Variants in KCNH8 observed in about 807,000 individuals in gnomAD.
The protein encoded by KCNH8 is voltage-gated delayed rectifier potassium channel KCNH8.
Under a neutral mutation model 103.6 loss-of-function variants are expected in KCNH8, and 70 were observed. The observed-to-expected ratio is 0.68, with a 90% CI of 0.56 to 0.82. The LOEUF (loss-of-function observed/expected upper bound fraction) is 0.82. KCNH8 is among the 40% of genes least tolerant of loss of function. KCNH8 has a pLI of 0.00. For synonymous variants in KCNH8, 498 were observed against 489.4 expected (o/e 1.02, Z -0.23); for missense variants, 1,217 against 1,329.9 (o/e 0.92, Z 1.32).
At chr3:19,459,656 T>C (rs2067590242) in intron 11 of KCNH8, among the ~76,000 whole-genome samples, 1 of 152,094 alleles carries the variant, frequency 6.6e-6, no homozygotes, top group South Asian at 2.1e-4. Context: ...TGGAGTCATA[T>C]CCAAAAACAT....
chr3:19,216,761 G>A (rs1302837526), intron 1 of KCNH8, among the ~76,000 whole-genome samples: 1 of 152,144 alleles, frequency 6.6e-6, no homozygotes, highest in African/African-American at 2.4e-5. Flanking sequence ...GTTCTCTTCA[G>A]TTTTGTAGCA....
chr3:19,382,028 A>G (rs2066295408), intron 5 of KCNH8, among the ~76,000 whole-genome samples: 1 of 152,166 alleles, frequency 6.6e-6, no homozygotes, highest in African/African-American at 2.4e-5. Context: ...TGTTGGCTAC[A>G]AAGATGGTTA....
intron 2 of KCNH8, among the ~76,000 whole-genome samples, chr3:19,265,391 C>T (rs2064494876): frequency 6.6e-6 from 1 of 152,062 alleles, no homozygotes; most frequent in Admixed American, 6.6e-5. Flanking sequence ...AAGCATGGGG[C>T]CCTTCTAAGC....
chr3:19,210,716 C>A (rs1001850058), intron 1 of KCNH8, among the ~76,000 whole-genome samples: 3 of 151,848 alleles, frequency 2.0e-5, no homozygotes, highest in Admixed American at 2.0e-4. Flanking sequence ...TTAGAAAAAC[C>A]GGGCTGTCAC....
At position 19,323,766 on chromosome 3, in the gene KCNH8, A is replaced by G. The variant is rs2065383337; in HGVS notation, c.443-18821A>G. Reference sequence around the variant, plus strand: ...TGAGATCCGAACTGCAATGATTGTTATTTCTCTTCCGGATCTAGCCACCCA... The same window carrying G: ...TGAGATCCGAACTGCAATGATTGTTGTTTCTCTTCCGGATCTAGCCACCCA... On this transcript the variant is annotated intron_variant, in intron 3 of 15. Transcript: ENST00000328405. 2.0e-5 allele frequency among the ~76,000 whole-genome samples: 3 copies of G among 151,846 alleles called. No homozygotes were observed. In the South Asian group the frequency reaches 6.3e-4, roughly 32 times the overall value.
chr3:19,439,587 TGGA>T (rs1405326194), intron 8 of KCNH8, among the ~76,000 whole-genome samples: 1 of 152,146 alleles, frequency 6.6e-6, no homozygotes, highest in Non-Finnish European at 1.5e-5. Context: ...GCAAGTTTGG[TGGA>T]GAAGTAGAGA....
At chr3:19,427,152 T>A (rs1474479465) in intron 7 of KCNH8, among the ~76,000 whole-genome samples, 1 of 152,190 alleles carries the variant, frequency 6.6e-6, no homozygotes, top group Admixed American at 6.5e-5. Context: ...TATCCTTCAA[T>A]GTTTAAAGGA....
chr3:19,530,907 T>C (rs141593851), intron 15 of KCNH8, among the ~76,000 whole-genome samples: 1 of 152,348 alleles, frequency 6.6e-6, no homozygotes, highest in East Asian at 1.9e-4. Flanking sequence ...CTGAGTCTTA[T>C]TGCTCCCATT....
intron 11 of KCNH8, among the ~76,000 whole-genome samples, chr3:19,504,942 T>A (rs754002507): frequency 2.6e-5 from 4 of 151,076 alleles, no homozygotes; most frequent in African/African-American, 4.9e-5. Flanking sequence ...CCACTGATAA[T>A]AGACTAGATA....
chr3:19,486,638 T>C (rs1358462602), intron 11 of KCNH8, among the ~76,000 whole-genome samples: 1 of 152,160 alleles, frequency 6.6e-6, no homozygotes, highest in Non-Finnish European at 1.5e-5. Flanking sequence ...CTGGTAGTCC[T>C]AGGGCACAGG....
At chr3:19,422,081 T>C (rs974302037) in intron 7 of KCNH8, among the ~76,000 whole-genome samples, 3 of 152,054 alleles carry the variant, frequency 2.0e-5, no homozygotes, top group Non-Finnish European at 4.4e-5. Context: ...TCAAATGGCA[T>C]TGCAATCAAA....
chr3:19,459,778 G>C (rs1054763166), intron 11 of KCNH8, among the ~76,000 whole-genome samples: 23 of 152,018 alleles, frequency 1.5e-4, no homozygotes, highest in African/African-American at 5.6e-4. Flanking sequence ...TGTATATGGT[G>C]TAACATAAAG....
chr3:19,225,716 A>T (rs1361940015), intron 1 of KCNH8, among the ~76,000 whole-genome samples: 1 of 152,140 alleles, frequency 6.6e-6, no homozygotes, highest in Non-Finnish European at 1.5e-5. Flanking sequence ...ATTCTCTAGA[A>T]ATTGGCTTTT....
Position 19,281,214 on chromosome 3 carries a change from C to T in KCNH8, c.327C>T (p.Cys109=). 1.2e-6 allele frequency: 2 copies of T among 1,609,184 alleles called. No homozygotes were observed. Among genetic ancestry groups the T allele is most frequent in the Non-Finnish European group, 1.7e-6 (2 of 1,177,602 alleles). ...FYKKNGSPFW[C]LLDIVPIKNE... is the part of the protein sequence containing the mutation. ...CTGTTGCAGGGTCTCCATTTTGGTG[C>T]CTACTGGATATTGTTCCCATAAAGA... Residue 109 remains cysteine (C), a synonymous_variant, in exon 3 of 16, where the codon TGC becomes TGT. Transcript: ENST00000328405.
At chr3:19,364,057 C>A (rs1006203315) in intron 5 of KCNH8, among the ~76,000 whole-genome samples, 4 of 152,010 alleles carry the variant, frequency 2.6e-5, no homozygotes, top group Non-Finnish European at 4.4e-5. Flanking sequence ...AACATCCATT[C>A]GTCTCTTAGT....
At chr3:19,457,673 G>T (rs2067554945) in intron 11 of KCNH8, among the ~76,000 whole-genome samples, 1 of 151,896 alleles carries the variant, frequency 6.6e-6, no homozygotes, top group Non-Finnish European at 1.5e-5. Context: ...GGCATGCATA[G>T]CATTGTGTAA....
chr3:19,528,140 G>A (rs1201330975), intron 15 of KCNH8, among the ~76,000 whole-genome samples: 1 of 151,946 alleles, frequency 6.6e-6, no homozygotes, highest in African/African-American at 2.4e-5. Flanking sequence ...TAAAGAAAAT[G>A]TATATTAATA....
chr3:19,414,569 A>T (rs1196963230), intron 7 of KCNH8, among the ~76,000 whole-genome samples: 1 of 151,974 alleles, frequency 6.6e-6, no homozygotes, highest in African/African-American at 2.4e-5. Context: ...CTTATTTGGG[A>T]TAAAAAAGGA....
chr3:19,373,109 A>T (rs1027420746), intron 5 of KCNH8, among the ~76,000 whole-genome samples: 5 of 151,942 alleles, frequency 3.3e-5, no homozygotes, highest in Non-Finnish European at 7.4e-5. Flanking sequence ...TTGGTATCAG[A>T]ATGATGCTGG....
Sources: allele counts gnomAD v4.1 joint callset (sites outside exome capture counted in the v4.1 genomes callset), GRCh38; gene constraint gnomAD v4.1.1; transcripts MANE v1.5; gene names NCBI Gene and HGNC (gene_info 2026-07-23, HGNC 2026-07-21).